Variants in INTS1 observed in about 807,000 individuals in gnomAD.
The protein encoded by INTS1 is integrator complex subunit 1.
A neutral mutation model predicts 241.6 loss-of-function variants in INTS1; 137 were observed. The observed-to-expected ratio is 0.57, with a 90% CI of 0.49 to 0.65. The LOEUF is 0.65. Among genes scored for constraint, INTS1 ranks in the 30% least tolerant of loss-of-function variants. The pLI is 0.00. For synonymous variants in INTS1, 1,692 were observed against 1,337.8 expected, an observed-to-expected ratio of 1.26 and a Z score of -5.78; for missense variants, 3,073 against 3,032.2, an observed-to-expected ratio of 1.01 and a Z score of -0.32.
At chr7:1,483,267 C>G in intron 26 of INTS1, 1 of 235,508 alleles carries the variant, frequency 4.2e-6, no homozygotes, top group Non-Finnish European at 8.5e-6. Flanking sequence ...GGGAAGGCTG[C>G]GGCCGCAGAG....
rs779841585 is a variant in INTS1, at chr7:1,499,630, C to T, written c.687G>A (p.Val229=). 5 of 1,600,818 alleles carry T rather than the reference C, an allele frequency of 3.1e-6. No individual in the cohort carries two copies. The highest frequency in any genetic ancestry group is 3.3e-4 in the Middle Eastern group (2 of 6,018). Residue 229 remains valine, a splice_region_variant and synonymous_variant, in exon 6 of 48, where the codon GTG becomes GTA. Coordinates refer to ENST00000404767, the MANE Select transcript of INTS1 (RefSeq NM_001080453.3). ...DENWPEIFVK[V]YIEDSLGERI... ...GCTCCCCCAGGGAGTCCTCGATGTA[C>T]ACCTGTGTGGCAGCCACACCCTCAG...
intron 2 of INTS1, 60 bp from the exon 3 acceptor site, chr7:1,503,251 T>G: frequency 2.0e-6 from 3 of 1,478,790 alleles, no homozygotes; most frequent in Middle Eastern, 4.5e-4. Flanking sequence ...GGAAAAAGAC[T>G]GACTCTAACC....
At chr7:1,471,777 G>A (rs562145954) in intron 44 of INTS1, 136 bp from the exon 45 acceptor site, 50 of 761,232 alleles carry the variant, frequency 6.6e-5, no homozygotes, top group East Asian at 2.9e-4. Context: ...GCCCAGTGAC[G>A]CCCCAGGCAG....
At chr7:1,488,908 C>T (rs1782409796) in intron 18 of INTS1, among the ~76,000 whole-genome samples, 1 of 152,236 alleles carries the variant, frequency 6.6e-6, no homozygotes, top group Admixed American at 6.5e-5. Context: ...CACTGCTGAT[C>T]CCACGCAGGG....
At chr7:1,499,738 G>T (rs1159073629) in intron 5 of INTS1, 106 bp from the exon 6 acceptor site, 2 of 1,470,796 alleles carry the variant, frequency 1.4e-6, no homozygotes, top group Non-Finnish European at 1.8e-6. Flanking sequence ...GCCCTCTCCA[G>T]CTTCTGGGTG....
chr7:1,489,963 G>A (rs942171610), intron 16 of INTS1, among the ~76,000 whole-genome samples: 3 of 152,144 alleles, frequency 2.0e-5, no homozygotes, highest in Non-Finnish European at 4.4e-5. Context: ...AAGTGACAAT[G>A]ATTTTTGTAC....
chr7:1,499,408 C>T, intron 6 of INTS1, 48 bp from the exon 7 acceptor site: 1 of 784,480 alleles, frequency 1.3e-6, no homozygotes, highest in South Asian at 1.5e-5. Context: ...ACCCGCCCAT[C>T]CTCCCACCCC....
Position 1,481,176 on chromosome 7 carries a change from C to T in INTS1, c.3850+166G>A, listed in dbSNP as rs1781976175. 1.2e-6 allele frequency: 1 copy of T among 848,554 alleles called. No individual in the cohort carries two copies. The highest frequency in any genetic ancestry group is 2.0e-5 in the Admixed American group (1 of 49,590). The allele number at this position is 848,554 out of a possible 1,614,324, so 52.6% of individuals were successfully genotyped here. On this transcript the variant is annotated intron_variant, in intron 28 of 47. Transcript: ENST00000404767. This position sits in a 1 kb window ranked among gnomAD's most constrained non-coding sequence, Gnocchi z 6.8. ...GGCCCAGGCCTCGGCTCCCTCCTGA[C>T]TGTGCCAGCCTCACCAACCCACAGG...
At chr7:1,499,742 C>T (rs1783063737) in intron 5 of INTS1, 110 bp from the exon 6 acceptor site, 1 of 1,471,604 alleles carries the variant, frequency 6.8e-7, no homozygotes, top group Non-Finnish European at 9.1e-7. Flanking sequence ...TCTCCAGCTT[C>T]TGGGTGCAGC....
At chr7:1,485,496 C>G in intron 22 of INTS1, 27 bp from the exon 23 acceptor site, 1 of 1,605,840 alleles carries the variant, frequency 6.2e-7, no homozygotes, top group African/African-American at 1.3e-5. Context: ...TGAGCTGGGC[C>G]GGCTTTCGGC....
rs1349138877 is a variant in INTS1 at position 1,487,393 on chromosome 7, T to G, written c.2573A>C (p.Gln858Pro). ...CAAGAGGTGCCCGAGGCGGAGGGAC[T>G]GGTTGAGGCTTTTCACTTGATCCAG... ...HILDQVKSLN[Q>P]SLRLGHLLCR... Residue 858 changes from glutamine to proline, a missense_variant, in exon 20 of 48, where the codon CAG (glutamine) becomes CCG (proline). Transcript: ENST00000404767. 1.2e-6 allele frequency: 2 copies of G among 1,611,852 alleles called. No homozygotes were observed. The highest frequency in any genetic ancestry group is 1.7e-6 in the Non-Finnish European group (2 of 1,179,422).
chr7:1,485,146 G>T lies in INTS1; in HGVS notation c.3213C>A (p.Ser1071=). The change falls in exon 24 of 48, where the codon TCC becomes TCA. Residue 1071 remains serine (S), a synonymous_variant. Transcript: ENST00000404767. The part of the protein sequence containing the change: ...QTISAYLIYL[S]QHTPVEEQAQ... ...CCTGCTCCTCCACAGGCGTGTGCTG[G>T]GACAAGTAGATCAGGTAGGCGCTGA... The T allele has an allele frequency of 6.2e-7, 1 of 1,601,202 alleles. No individual in the cohort carries two copies. The highest frequency in any genetic ancestry group is 1.1e-5 in the South Asian group (1 of 91,050).
intron 16 of INTS1, among the ~76,000 whole-genome samples, chr7:1,490,659 C>T (rs1395985856): frequency 1.3e-5 from 2 of 152,220 alleles, no homozygotes; most frequent in African/African-American, 4.8e-5. Context: ...CCCAGACTGA[C>T]CCATGGATTC....
intron 26 of INTS1, 133 bp downstream of exon 26, chr7:1,483,609 C>T: frequency 1.4e-6 from 1 of 727,604 alleles, no homozygotes; most frequent in Non-Finnish European, 2.4e-6. Context: ...GGAGAGAAGC[C>T]AGGACACAGG....
chr7:1,475,464 G>A (rs1212711408), intron 39 of INTS1, among the ~76,000 whole-genome samples: 1 of 152,090 alleles, frequency 6.6e-6, no homozygotes, highest in Non-Finnish European at 1.5e-5. Context: ...AAGCAGAAAT[G>A]ATTAGAGAAA....
In INTS1 at chr7:1,476,710, G is replaced by A. The variant is rs1245033990; in HGVS notation, c.5064-53C>T. 9.9e-6 allele frequency: 16 copies of A among 1,612,064 alleles called. No individual in the cohort carries two copies. The East Asian group carries it at 3.3e-4, about 34-fold the overall frequency. On this transcript the variant is annotated intron_variant, in intron 36 of 47. Coordinates refer to ENST00000404767, the MANE Select transcript of INTS1 (RefSeq NM_001080453.3). ...CGAGGTGTCTCGTCTCAGCATGGGAGATACCAGTCAGAGCCGGCGCTGGGA... is the reference window on the plus strand; with the variant it reads ...CGAGGTGTCTCGTCTCAGCATGGGAAATACCAGTCAGAGCCGGCGCTGGGA...
intron 8 of INTS1, 45 bp downstream of exon 8, chr7:1,498,930 G>GCCCCCCCCCCCCCCCCC: frequency 6.8e-7 from 1 of 1,460,184 alleles, no homozygotes; most frequent in Non-Finnish European, 9.3e-7. Flanking sequence ...CACAGAGCCT[G>GCCCCCCCCCCCCCCCCC]CCCCCACCCC....
chr7:1,494,933 G>T (rs907010666), intron 13 of INTS1, 40 bp from the exon 14 acceptor site: 8 of 1,546,858 alleles, frequency 5.2e-6, no homozygotes, highest in Non-Finnish European at 7.0e-6. Context: ...TGATGTGGGT[G>T]CTCAGGGACC....
chr7:1,488,921 A>T (rs1782411018), intron 18 of INTS1, among the ~76,000 whole-genome samples: 1 of 152,206 alleles, frequency 6.6e-6, no homozygotes, highest in South Asian at 2.1e-4. Flanking sequence ...ACGCAGGGTC[A>T]CACCTGGCCC....
Sources: allele counts gnomAD v4.1 joint callset (sites outside exome capture counted in the v4.1 genomes callset), GRCh38; gene constraint gnomAD v4.1.1; non-coding constraint Gnocchi (gnomAD v3.1); transcripts MANE v1.5; gene names NCBI Gene and HGNC (gene_info 2026-07-23, HGNC 2026-07-21).